NEO1: variants seen among roughly 807,000 people sequenced by gnomAD.
NEO1 encodes neogenin 1.
NEO1 carries 63 observed loss-of-function variants against 159.7 expected under a neutral mutation model. The ratio of observed to expected loss-of-function variants is 0.39; its 90% CI spans 0.32 to 0.49. The LOEUF (loss-of-function observed/expected upper bound fraction) is 0.49. NEO1 is among the 20% of genes least tolerant of loss of function. The probability of loss-of-function intolerance (pLI) is 0.85; values close to 1 mark genes in which losing one functional copy is unlikely to be tolerated. For synonymous variants in NEO1, 633 were observed against 662.0 expected, an observed-to-expected ratio of 0.96 and a Z score of 0.67; for missense variants, 1,615 against 1,831.0, an observed-to-expected ratio of 0.88 and a Z score of 2.15.
intron 25 of NEO1, among the ~76,000 whole-genome samples, chr15:73,291,346 G>A (rs1376355033): frequency 6.6e-6 from 1 of 152,128 alleles, no homozygotes; most frequent in Non-Finnish European, 1.5e-5. Flanking sequence ...AAAAAGATAT[G>A]TTGTCCAGTT....
chr15:73,076,833 C>T (rs2068790594), intron 1 of NEO1, among the ~76,000 whole-genome samples: 1 of 152,160 alleles, frequency 6.6e-6, no homozygotes, highest in Non-Finnish European at 1.5e-5. Flanking sequence ...TGCTGTTCCT[C>T]TTCAAGGATT....
chr15:73,089,257 A>T lies in NEO1; in HGVS notation c.131-27283A>T, dbSNP rs544390583. On this transcript the variant is annotated intron_variant, in intron 1 of 28. Coordinates refer to ENST00000261908, the MANE Select transcript of NEO1 (RefSeq NM_002499.4). ...CTTCTTTTTAAGACCGGACATAAGT[A>T]TGTGTAGTAAAGAATAAGAATAGGA... is the stretch of plus-strand genomic sequence containing the variant. Among the ~76,000 whole-genome samples the T allele has an allele frequency of 3.3e-5, 5 of 152,256 alleles. No individual in the cohort carries two copies. The South Asian group carries it at 1.0e-3, about 32-fold the overall frequency.
chr15:73,294,894 C>T (rs1041922148), intron 26 of NEO1, among the ~76,000 whole-genome samples: 2 of 152,018 alleles, frequency 1.3e-5, no homozygotes, highest in African/African-American at 4.8e-5. Flanking sequence ...TCAAATGAAG[C>T]TTTATTAAGG....
chr15:73,270,073 C>T lies in NEO1; in HGVS notation c.2558C>T (p.Pro853Leu). The T allele has an allele frequency of 2.5e-6, 4 of 1,614,172 alleles. No individual in the cohort carries two copies. The highest frequency in any genetic ancestry group is 8.5e-7 in the Non-Finnish European group (1 of 1,180,044). Residue 853 changes from proline (P) to leucine (L), a missense_variant, in exon 17 of 29, where the codon CCC becomes CTC. Around this residue, in one of 3 missense-constraint regions of NEO1, gnomAD observed 1,018 missense variants for 1,115.4 expected, o/e 0.91. Coordinates refer to ENST00000261908, the MANE Select transcript of NEO1 (RefSeq NM_002499.4). ...APYTPVPDPT[P>L]MMPPVGVQAS... ...TACACTCCAGTGCCAGATCCCACTC[C>T]CATGATGCCACCAGTGGGAGTTCAG...
intron 7 of NEO1, among the ~76,000 whole-genome samples, chr15:73,191,352 T>C (rs142477761): frequency 2.6e-5 from 4 of 151,870 alleles, no homozygotes; most frequent in African/African-American, 7.2e-5. Flanking sequence ...GGAAAGAACA[T>C]AGAAAGACAG....
rs930060296 is a variant in NEO1 at position 73,120,339 on chromosome 15, A to AT, written c.449-2180dup. On this transcript the variant is annotated intron_variant, in intron 2 of 28. Coordinates refer to ENST00000261908, the MANE Select transcript of NEO1 (RefSeq NM_002499.4). ...TGGGGAGCTCAAGGTAAAAAAGCAG[A>AT]TTTTTTAGATAATTTTATCTTTATT... 2.6e-5 allele frequency among the ~76,000 whole-genome samples: 4 copies of AT among 151,188 alleles called. No homozygotes were observed. The East Asian group carries it at 5.8e-4, about 22-fold the overall frequency.
chr15:73,213,198 TTTG>T (rs530046801), intron 7 of NEO1, among the ~76,000 whole-genome samples: 29 of 152,192 alleles, frequency 1.9e-4, no homozygotes, highest in African/African-American at 5.8e-4. Flanking sequence ...ATGGGCTCTT[TTTG>T]TTGTTGTTGT....
At position 73,221,759 on chromosome 15, in the gene NEO1, C is replaced by T. The variant is rs141574033; in HGVS notation, c.1292-14588C>T. On this transcript the variant is annotated intron_variant, in intron 7 of 28. Coordinates refer to ENST00000261908, the MANE Select transcript of NEO1 (RefSeq NM_002499.4). ...AGGTGCGGGATATAATCTCCTGGTG[C>T]GCCGTTTTTTAAGCCCGTCAGAAAA... 99 of 155,826 alleles carry T rather than the reference C, an allele frequency of 6.4e-4. No homozygotes were observed. The East Asian group carries it at 0.015, about 23-fold the overall frequency. The allele number at this position is 155,826 out of a possible 1,614,324, so 9.7% of individuals were successfully genotyped here.
chr15:73,299,551 A>G (rs978736625), intron 27 of NEO1, among the ~76,000 whole-genome samples: 2 of 152,068 alleles, frequency 1.3e-5, no homozygotes, highest in Non-Finnish European at 2.9e-5. Flanking sequence ...ATGCGCAGCT[A>G]ATTTTTTGTG....
chr15:73,093,351 CTTCAGGAGTG>C (rs2069804641), intron 1 of NEO1, among the ~76,000 whole-genome samples: 1 of 152,150 alleles, frequency 6.6e-6, no homozygotes, highest in Non-Finnish European at 1.5e-5. Context: ...GCAGCCTGCA[CTTCAGGAGTG>C]GGGAATTATG....
chr15:73,266,083 C>CACAGCCCACCTCCTCT (rs1407396756), intron 15 of NEO1, among the ~76,000 whole-genome samples: 1 of 152,184 alleles, frequency 6.6e-6, no homozygotes, highest in Non-Finnish European at 1.5e-5. Context: ...AGAATTCAAA[C>CACAGCCCACCTCCTCT]ACAGCCCACC....
chr15:73,254,560 CTG>C, intron 12 of NEO1, 120 bp from the exon 13 acceptor site: 1 of 963,282 alleles, frequency 1.0e-6, no homozygotes, highest in Non-Finnish European at 1.5e-6. Flanking sequence ...TTGTAAAACT[CTG>C]AGTACCTTGC....
At chr15:73,161,063 C>T (rs962281365) in intron 5 of NEO1, among the ~76,000 whole-genome samples, 1 of 152,142 alleles carries the variant, frequency 6.6e-6, no homozygotes, top group Non-Finnish European at 1.5e-5. Context: ...GATTTAGGGG[C>T]TCTGTGTCAG....
chr15:73,232,923 CTGTT>C (rs1033476483), intron 7 of NEO1, among the ~76,000 whole-genome samples: 6 of 152,182 alleles, frequency 3.9e-5, no homozygotes, highest in African/African-American at 4.8e-5. Flanking sequence ...GCCTCAGACA[CTGTT>C]TGTGTGTGAA....
chr15:73,296,366 TGG>T (rs1278917991), intron 26 of NEO1, among the ~76,000 whole-genome samples: 2 of 151,988 alleles, frequency 1.3e-5, no homozygotes, highest in Non-Finnish European at 2.9e-5. Flanking sequence ...TCCCCCGCCG[TGG>T]GGATGGCTAG....
At chr15:73,274,619 G>C (rs2041320205) in intron 20 of NEO1, 73 bp from the exon 21 acceptor site, 1 of 1,487,394 alleles carries the variant, frequency 6.7e-7, no homozygotes, top group African/African-American at 1.4e-5. Flanking sequence ...CCTTTAAAAA[G>C]TTCTGCCTGT....
chr15:73,128,606 G>A (rs1051110785), intron 4 of NEO1, among the ~76,000 whole-genome samples: 1 of 152,120 alleles, frequency 6.6e-6, no homozygotes, highest in Non-Finnish European at 1.5e-5. Flanking sequence ...ATAGTCTAGT[G>A]GGAAAGAGTC....
chr15:73,199,190 A>G (rs1160819722), intron 7 of NEO1, among the ~76,000 whole-genome samples: 1 of 151,220 alleles, frequency 6.6e-6, no homozygotes, highest in Non-Finnish European at 1.5e-5. Flanking sequence ...AATTTGCCTG[A>G]TATTTTCTTA....
intron 1 of NEO1, among the ~76,000 whole-genome samples, chr15:73,105,774 A>G (rs992118725): frequency 1.3e-5 from 2 of 152,170 alleles, no homozygotes; most frequent in African/African-American, 4.8e-5. Context: ...TAGGTTAGAC[A>G]CTTTGGGCAA....
Sources: allele counts gnomAD v4.1 joint callset (sites outside exome capture counted in the v4.1 genomes callset), GRCh38; gene constraint gnomAD v4.1.1; regional missense constraint gnomAD v4.1.1; transcripts MANE v1.5; gene names NCBI Gene and HGNC (gene_info 2026-07-23, HGNC 2026-07-21).